DNAH7: variants seen among roughly 807,000 people sequenced by gnomAD.
DNAH7 encodes dynein axonemal heavy chain 7, also known as axonemal beta dynein heavy chain 7.
In DNAH7, 397 loss-of-function variants were observed where a neutral mutation model predicts 444.6. The ratio of observed to expected loss-of-function variants is 0.89; its 90% CI spans 0.82 to 0.97. The LOEUF is 0.97. Ranked by LOEUF, DNAH7 falls within the 50% of genes least tolerant of loss-of-function variation. The pLI, the probability that DNAH7 is intolerant of heterozygous loss-of-function variation, is 0.00. For synonymous variants in DNAH7, 1,636 were observed against 1,624.4 expected, an observed-to-expected ratio of 1.01 and a Z score of -0.17; for missense variants, 4,902 against 4,800.8, an observed-to-expected ratio of 1.02 and a Z score of -0.62.
chr2:195,789,235 C>A (rs1695763639), intron 57 of DNAH7, among the ~76,000 whole-genome samples: 1 of 151,536 alleles, frequency 6.6e-6, no homozygotes, highest in Non-Finnish European at 1.5e-5. Flanking sequence ...CCTAACTGAC[C>A]AACTCTGGAA....
At chr2:195,785,979 T>C (rs1339459069) in intron 58 of DNAH7, among the ~76,000 whole-genome samples, 1 of 152,240 alleles carries the variant, frequency 6.6e-6, no homozygotes, top group African/African-American at 2.4e-5. Context: ...ATTAAATTTA[T>C]GATTCTTTTG....
intron 10 of DNAH7, among the ~76,000 whole-genome samples, chr2:196,003,298 T>G (rs945335762): frequency 2.6e-5 from 4 of 151,938 alleles, no homozygotes; most frequent in Non-Finnish European, 4.4e-5. Context: ...GACAACAGAA[T>G]AGAAAACAGG....
At chr2:195,896,779 G>C (rs1173885913) in intron 29 of DNAH7, among the ~76,000 whole-genome samples, 2 of 152,134 alleles carry the variant, frequency 1.3e-5, no homozygotes, top group Non-Finnish European at 2.9e-5. Context: ...TTTCCTTGTT[G>C]ATTTGCTCCA....
In DNAH7 at chr2:195,822,767, G is replaced by A. The variant is rs777297537; in HGVS notation, c.9291+1488C>T. On this transcript the variant is annotated intron_variant, in intron 49 of 64. Transcript: ENST00000312428. ...TTTATGTTATGTGCGATAGTTCCAC[G>A]TATTTTACTGAACAGTAAAAAAGGT... Among the ~76,000 whole-genome samples, 28 of 152,180 alleles carry A rather than the reference G, an allele frequency of 1.8e-4. 1 individual carries two copies. Among genetic ancestry groups the A allele is most frequent in the East Asian group, 5.8e-4 (3 of 5,186 alleles).
Position 195,864,888 on chromosome 2 carries a change from T to C in DNAH7, c.6767A>G (p.Asn2256Ser), listed in dbSNP as rs767941483. 1.1e-5 allele frequency: 18 copies of C among 1,613,954 alleles called. No homozygotes were observed. The highest frequency in any genetic ancestry group is 9.9e-5 in the South Asian group (9 of 91,084). Residue 2256 changes from asparagine (N) to serine (S), a missense_variant, in exon 41 of 65, where the codon AAT becomes AGT. Transcript: ENST00000312428. ...HELFQRLDFD[N>S]DGMVEADDLR... The stretch of plus-strand genomic sequence containing the variant: ...GTCATCTGCTTCCACCATGCCATCA[T>C]TATCAAAATCCAAACGCTGAAAAAG...
At chr2:195,927,741 CATATT>C (rs1348292251) in intron 21 of DNAH7, among the ~76,000 whole-genome samples, 2 of 150,960 alleles carry the variant, frequency 1.3e-5, no homozygotes, top group Non-Finnish European at 3.0e-5. Flanking sequence ...CTATGTTTAC[CATATT>C]ATATATGATA....
At chr2:196,060,413 G>C (rs972455268) in intron 1 of DNAH7, among the ~76,000 whole-genome samples, 6 of 152,008 alleles carry the variant, frequency 3.9e-5, no homozygotes, top group African/African-American at 1.2e-4. Context: ...TTCTGTCTCA[G>C]TCTAAAGATT....
chr2:196,055,545 T>G (rs1354405869), intron 2 of DNAH7, among the ~76,000 whole-genome samples: 1 of 152,210 alleles, frequency 6.6e-6, no homozygotes, highest in Non-Finnish European at 1.5e-5. Context: ...CAATTCCCAC[T>G]GGGCTACACA....
intron 15 of DNAH7, among the ~76,000 whole-genome samples, chr2:195,973,561 T>C (rs1252151748): frequency 2.6e-5 from 4 of 152,120 alleles, no homozygotes; most frequent in Admixed American, 2.0e-4. Context: ...AACCTCAGCC[T>C]CCCATGTTCA....
intron 12 of DNAH7, among the ~76,000 whole-genome samples, chr2:195,990,431 G>A (rs1448631060): frequency 6.6e-6 from 1 of 152,106 alleles, no homozygotes; most frequent in Non-Finnish European, 1.5e-5. Context: ...GGGAGGCCAA[G>A]GCAGGCAGAT....
At chr2:195,767,342 TA>T (rs1559081740) in intron 61 of DNAH7, among the ~76,000 whole-genome samples, 1 of 152,084 alleles carries the variant, frequency 6.6e-6, no homozygotes, top group Admixed American at 6.5e-5. Context: ...TTATAGTTTT[TA>T]TATAGTCATT....
At chr2:195,835,381 C>CAAAAAAAAAAAAAAAAAAAAAAAAAAGAA (rs58376618) in intron 47 of DNAH7, among the ~76,000 whole-genome samples, 1 of 113,056 alleles carries the variant, frequency 8.8e-6, no homozygotes, top group Non-Finnish European at 1.8e-5. Flanking sequence ...GTGACTGAGG[C>CAAAAAAAAAAAAAAAAAAAAAAAAAAGAA]AAAAAAAAAA....
At position 195,777,898 on chromosome 2, in the gene DNAH7, G is replaced by A. The variant is rs1695136539; in HGVS notation, c.10966C>T (p.Arg3656Cys). ...TTGAAGAATTTGTTTAGAATGCTGC[G>A]CAGCGTGCGCCGGTCCCAGTCATCG... ...VTDDWDRRTL[R>C]SILNKFFNPE... is the part of the protein sequence containing the mutation. The change falls in exon 59 of 65, where the codon CGC becomes TGC. Residue 3656 changes from arginine (R) to cysteine (C), a missense_variant. Physicochemically the swap from Arg to Cys is radical, Grantham distance 180. Coordinates refer to ENST00000312428, the MANE Select transcript of DNAH7 (RefSeq NM_018897.3). The A allele has an allele frequency of 1.9e-6, 3 of 1,614,034 alleles. No homozygotes were observed. Among genetic ancestry groups the A allele is most frequent in the Non-Finnish European group, 1.7e-6 (2 of 1,180,004 alleles).
chr2:195,909,519 T>C, intron 25 of DNAH7, among the ~76,000 whole-genome samples: 1 of 152,168 alleles, frequency 6.6e-6, no homozygotes, highest in Non-Finnish European at 1.5e-5. Context: ...CTTTAGGAAT[T>C]ATTAAATTAG....
rs1169727347 is a variant in DNAH7, at chr2:195,872,327, C to G, written c.6556G>C (p.Val2186Leu). 15 of 1,613,740 alleles carry G rather than the reference C, an allele frequency of 9.3e-6. No individual in the cohort carries two copies. The highest frequency in any genetic ancestry group is 1.3e-5 in the Non-Finnish European group (15 of 1,179,914). The change falls in exon 40 of 65, where the codon GTC becomes CTC. Residue 2186 changes from valine (V) to leucine (L), a missense_variant. By Grantham distance (32) the Val-to-Leu change is conservative (BLOSUM62 1). Coordinates refer to ENST00000312428, the MANE Select transcript of DNAH7 (RefSeq NM_018897.3). ...CTTGACAAACAAACACCTTGAATGACACGGGAGAAATCACGGAGGTTGAAC... is the reference window on the plus strand; with the variant it reads ...CTTGACAAACAAACACCTTGAATGAGACGGGAGAAATCACGGAGGTTGAAC... Reference protein sequence around the residue: ...YLFNLRDFSRVIQGVCLSRPE... With the variant: ...YLFNLRDFSRLIQGVCLSRPE...
At chr2:195,750,619 T>G (rs1448551207) in intron 63 of DNAH7, among the ~76,000 whole-genome samples, 1 of 152,216 alleles carries the variant, frequency 6.6e-6, no homozygotes, top group African/African-American at 2.4e-5. Flanking sequence ...GAGAGCCAGA[T>G]GGCCTGGGTC....
Position 196,052,575 on chromosome 2 carries a change from C to T in DNAH7, c.79-1326G>A, listed in dbSNP as rs573584036. Among the ~76,000 whole-genome samples, 7 of 152,306 alleles carry T rather than the reference C, an allele frequency of 4.6e-5. No homozygotes were observed. In the South Asian group the frequency reaches 6.2e-4, roughly 14 times the overall value. ...GAATTAACACCTTTAATATTCTATA[C>T]GCTGTGGGGTAAATACTGTTGTACC... On this transcript the variant is annotated intron_variant, in intron 2 of 64. Coordinates refer to ENST00000312428, the MANE Select transcript of DNAH7 (RefSeq NM_018897.3).
At chr2:196,011,115 C>T (rs1694705799) in intron 10 of DNAH7, among the ~76,000 whole-genome samples, 1 of 151,984 alleles carries the variant, frequency 6.6e-6, no homozygotes, top group Non-Finnish European at 1.5e-5. Flanking sequence ...CTATAGTTAA[C>T]AAGAATTTAT....
In DNAH7 at chr2:195,832,477, G is replaced by C. The variant is rs531033967; in HGVS notation, c.9100+1729C>G. 5.4e-5 allele frequency among the ~76,000 whole-genome samples: 8 copies of C among 148,872 alleles called. No homozygotes were observed. The South Asian group carries it at 1.7e-3, about 32-fold the overall frequency. The stretch of plus-strand genomic sequence containing the variant: ...TTTTTCTTTGAGACAGGGTCTCACT[G>C]TGTTGCCCAGGTTGGAGTGCAGTGG... On this transcript the variant is annotated intron_variant, in intron 48 of 64. Transcript: ENST00000312428.
Sources: gnomAD v4.1 joint callset for allele counts (sites outside exome capture counted in the v4.1 genomes callset) on GRCh38, gnomAD v4.1.1 for gene constraint, MANE v1.5 for transcripts, NCBI Gene and HGNC (gene_info 2026-07-23, HGNC 2026-07-21) for gene names.